TOGARAM2: variants seen among roughly 807,000 people sequenced by gnomAD.
TOGARAM2 encodes TOG array regulator of axonemal microtubules protein 2.
Under a neutral mutation model 93.3 loss-of-function variants are expected in TOGARAM2, and 85 were observed. That is an observed-to-expected ratio of 0.91 (90% CI 0.76 to 1.09). TOGARAM2 has a LOEUF of 1.09. Ranked by LOEUF, TOGARAM2 falls within the 50% of genes least tolerant of loss-of-function variation. The probability of loss-of-function intolerance (pLI) is 0.00; values close to 1 mark genes in which losing one functional copy is unlikely to be tolerated. For synonymous variants in TOGARAM2, 593 were observed against 552.8 expected (o/e 1.07, Z -1.02); for missense variants, 1,277 against 1,334.5 (o/e 0.96, Z 0.67).
intron 14 of TOGARAM2, 68 bp from the exon 15 acceptor site, chr2:29,032,866 A>C: frequency 7.6e-7 from 1 of 1,317,004 alleles, no homozygotes; most frequent in South Asian, 1.3e-5. Context: ...GATTATGTAA[A>C]GCTGTAAAGC....
chr2:28,961,444 C>T (rs1043557624), intron 1 of TOGARAM2, among the ~76,000 whole-genome samples: 49 of 152,108 alleles, frequency 3.2e-4, no homozygotes, highest in African/African-American at 9.2e-4. Flanking sequence ...TAGATTCAAG[C>T]GATTCTCCCA....
At position 29,017,345 on chromosome 2, in the gene TOGARAM2, G is replaced by A. The variant is rs200034953; in HGVS notation, c.1195+41G>A. ...TGTGGGATTTGCTCAGGCCTGGGGAGCTGAGTCCACTCTCTCATAGCCTGC... is the reference window on the plus strand; with the variant it reads ...TGTGGGATTTGCTCAGGCCTGGGGAACTGAGTCCACTCTCTCATAGCCTGC... On this transcript the variant is annotated intron_variant, in intron 9 of 19. Coordinates refer to ENST00000379558, the MANE Select transcript of TOGARAM2 (RefSeq NM_199280.4). The A allele has an allele frequency of 6.7e-5, 101 of 1,508,072 alleles. No homozygotes were observed. In the African/African-American group the frequency reaches 1.2e-3, roughly 19 times the overall value. The allele number at this position is 1,508,072 out of a possible 1,614,324, so 93.4% of individuals were successfully genotyped here. A position where few individuals can be genotyped will look rare whatever the true frequency, so the allele number is the denominator to read the frequency against.
Position 29,036,685 on chromosome 2 carries a change from A to G in TOGARAM2, c.2563A>G (p.Asn855Asp), listed in dbSNP as rs561421885. Residue 855 changes from asparagine (N) to aspartate (D), a missense_variant, in exon 18 of 20, where the codon AAC (asparagine) becomes GAC (aspartate). Physicochemically the swap from Asn to Asp is conservative, Grantham distance 23. Coordinates refer to ENST00000379558, the MANE Select transcript of TOGARAM2 (RefSeq NM_199280.4). ...LLSIIITVAD[N>D]LNSKNSGIYA... ...CTCCATCATCATCACTGTTGCAGAC[A>G]ACCTCAACTCCAAGAACTCAGGGAT... The G allele has an allele frequency of 5.0e-4, 810 of 1,614,004 alleles. 14 individuals carry two copies. The South Asian group carries it at 8.2e-3, about 16-fold the overall frequency.
At chr2:28,984,316 C>T (rs1308700574) in intron 1 of TOGARAM2, among the ~76,000 whole-genome samples, 9 of 152,116 alleles carry the variant, frequency 5.9e-5, no homozygotes, top group Non-Finnish European at 1.0e-4. Flanking sequence ...TGGAGAGGCA[C>T]ACACAAAACT....
intron 7 of TOGARAM2, among the ~76,000 whole-genome samples, chr2:29,011,774 G>A (rs765194605): frequency 1.3e-5 from 2 of 152,190 alleles, no homozygotes; most frequent in Admixed American, 6.5e-5. Context: ...CCACGGCCTC[G>A]ATAAGAGAGA....
chr2:28,968,860 G>A (rs1287603391), intron 1 of TOGARAM2, among the ~76,000 whole-genome samples: 2 of 135,696 alleles, frequency 1.5e-5, no homozygotes, highest in Middle Eastern at 3.5e-3. Context: ...AGAAAAAAGC[G>A]CATGCCGAAC....
At chr2:29,013,023 G>A (rs957670831) in intron 7 of TOGARAM2, among the ~76,000 whole-genome samples, 1 of 152,222 alleles carries the variant, frequency 6.6e-6, no homozygotes, top group African/African-American at 2.4e-5. Flanking sequence ...CTCTGCACGG[G>A]CCCCAGAGGT....
chr2:29,040,593 T>A (rs1553348514), intron 18 of TOGARAM2, among the ~76,000 whole-genome samples: 1 of 152,206 alleles, frequency 6.6e-6, no homozygotes, highest in Non-Finnish European at 1.5e-5. Flanking sequence ...TCATTCCTTG[T>A]TTATGAGGCA....
intron 1 of TOGARAM2, among the ~76,000 whole-genome samples, chr2:28,973,890 C>G (rs1306873016): frequency 6.6e-6 from 1 of 152,056 alleles, no homozygotes; most frequent in Non-Finnish European, 1.5e-5. Flanking sequence ...TTTTCTTTAT[C>G]TAACGATGTC....
intron 4 of TOGARAM2, 84 bp downstream of exon 4, chr2:28,999,552 G>T: frequency 6.9e-7 from 1 of 1,441,052 alleles, no homozygotes; most frequent in South Asian, 1.5e-5. Flanking sequence ...GGGTCAGCAG[G>T]CTTCCAGGTG....
intron 18 of TOGARAM2, among the ~76,000 whole-genome samples, chr2:29,037,843 G>A (rs1214591150): frequency 6.6e-6 from 1 of 152,174 alleles, no homozygotes; most frequent in Non-Finnish European, 1.5e-5. Context: ...CATTGCTCTG[G>A]GTAAGTGAGA....
At position 29,009,000 on chromosome 2, in the gene TOGARAM2, G is replaced by A. The variant is rs116266243; in HGVS notation, c.831-2455G>A. 4.4e-3 allele frequency among the ~76,000 whole-genome samples: 677 copies of A among 152,334 alleles called. 2 individuals carry two copies. Among genetic ancestry groups the A allele is most frequent in the African/African-American group, 0.015 (615 of 41,576 alleles). On this transcript the variant is annotated intron_variant, in intron 6 of 19. Transcript: ENST00000379558. ...CTATTACCATTTCAGTCATCCATCT[G>A]TCCGTTTACTCACCTAAAAGCTGTT...
At chr2:29,003,794 A>C in intron 6 of TOGARAM2, 112 bp downstream of exon 6, 1 of 1,058,780 alleles carries the variant, frequency 9.4e-7, no homozygotes, top group Non-Finnish European at 1.3e-6. Flanking sequence ...TTCTTGGGAC[A>C]CCAGGCAGGG....
intron 6 of TOGARAM2, among the ~76,000 whole-genome samples, chr2:29,004,635 T>A (rs1258765127): frequency 1.5e-5 from 1 of 67,418 alleles, no homozygotes; most frequent in Non-Finnish European, 5.0e-5. Context: ...TATGTGTGAG[T>A]GTATGTGTAT....
chr2:29,007,325 G>A (rs939963068), intron 6 of TOGARAM2, among the ~76,000 whole-genome samples: 4 of 152,144 alleles, frequency 2.6e-5, no homozygotes, highest in East Asian at 1.9e-4. Context: ...GGACCACCTC[G>A]TGTTTCCCCA....
At chr2:28,968,577 T>C (rs1447344572) in intron 1 of TOGARAM2, among the ~76,000 whole-genome samples, 4 of 151,932 alleles carry the variant, frequency 2.6e-5, no homozygotes, top group African/African-American at 9.7e-5. Context: ...GAGGCCAAGG[T>C]GGGTGGATTG....
At chr2:29,028,846 C>T (rs958386883) in intron 14 of TOGARAM2, among the ~76,000 whole-genome samples, 1 of 152,192 alleles carries the variant, frequency 6.6e-6, no homozygotes, top group Non-Finnish European at 1.5e-5. Flanking sequence ...AGTTTTTACC[C>T]TGAACAATGG....
At chr2:29,026,793 G>A in intron 13 of TOGARAM2, 60 bp from the exon 14 acceptor site, 1 of 1,443,244 alleles carries the variant, frequency 6.9e-7, no homozygotes, top group South Asian at 1.5e-5. Context: ...ATGTTTGCCA[G>A]CCTGGGGACT....
chr2:28,986,610 G>A (rs1019580036), intron 1 of TOGARAM2, among the ~76,000 whole-genome samples: 8 of 152,172 alleles, frequency 5.3e-5, no homozygotes, highest in South Asian at 2.1e-4. Context: ...CCTGCCCACT[G>A]CTTCCTGCTC....
Sources: gnomAD v4.1 joint callset for allele counts (sites outside exome capture counted in the v4.1 genomes callset) on GRCh38, gnomAD v4.1.1 for gene constraint, MANE v1.5 for transcripts, NCBI Gene and HGNC (gene_info 2026-07-23, HGNC 2026-07-21) for gene names.